ATG7: variants seen among roughly 807,000 people sequenced by gnomAD.
ATG7 encodes autophagy related 7.
A neutral mutation model predicts 82.4 loss-of-function variants in ATG7; 70 were observed. That is an observed-to-expected ratio of 0.85 (90% CI 0.70 to 1.04). The LOEUF (loss-of-function observed/expected upper bound fraction) is 1.04. ATG7 is among the 50% of genes least tolerant of loss of function. The pLI is 0.00. For synonymous variants in ATG7, 287 were observed against 313.0 expected (o/e 0.92, Z 0.88); for missense variants, 792 against 864.3 (o/e 0.92, Z 1.05).
At chr3:11,418,321 C>T (rs1352763198) in intron 19 of ATG7, among the ~76,000 whole-genome samples, 1 of 151,310 alleles carries the variant, frequency 6.6e-6, no homozygotes, top group Non-Finnish European at 1.5e-5. Flanking sequence ...AAATGTTGCC[C>T]AGGCTGGCCT....
the ATG7 span, among the ~76,000 whole-genome samples, chr3:11,575,051 A>G: frequency 6.6e-6 from 1 of 152,138 alleles, no homozygotes; most frequent in Admixed American, 6.5e-5. Flanking sequence ...CTCTTCTTCA[A>G]CGCTCGTGCC....
chr3:11,363,873 T>A (rs766050588), intron 17 of ATG7, among the ~76,000 whole-genome samples: 7 of 152,232 alleles, frequency 4.6e-5, no homozygotes, highest in Non-Finnish European at 1.0e-4. Context: ...ATTGTGGTTG[T>A]ATATGTAACT....
chr3:11,275,641 A>G (rs747378718), intron 1 of ATG7, among the ~76,000 whole-genome samples: 1 of 150,986 alleles, frequency 6.6e-6, no homozygotes, highest in Non-Finnish European at 1.5e-5. Context: ...TACAGGCGTG[A>G]GCCACCGCTT....
intron 5 of ATG7, among the ~76,000 whole-genome samples, chr3:11,301,167 C>T (rs1338898159): frequency 1.3e-5 from 2 of 151,920 alleles, no homozygotes; most frequent in Non-Finnish European, 2.9e-5. Flanking sequence ...CTAACAGTGT[C>T]AGAAGCACAG....
chr3:11,484,593 A>T (rs1271663227), intron 20 of ATG7, among the ~76,000 whole-genome samples: 1 of 152,142 alleles, frequency 6.6e-6, no homozygotes, highest in African/African-American at 2.4e-5. Context: ...GTACATGTGC[A>T]CAATGTGCAG....
chr3:11,279,110 C>A (rs1001934879), intron 1 of ATG7, among the ~76,000 whole-genome samples: 17 of 152,326 alleles, frequency 1.1e-4, no homozygotes, highest in Admixed American at 3.3e-4. Context: ...GGGGTCCTTG[C>A]ATGGGGCTAG....
At chr3:11,338,528 A>G (rs1042050954) in intron 11 of ATG7, among the ~76,000 whole-genome samples, 4 of 152,300 alleles carry the variant, frequency 2.6e-5, no homozygotes, top group African/African-American at 9.6e-5. Context: ...ATGAAACTCA[A>G]ATCTGACTGG....
chr3:11,425,000 T>C (rs1559595090), intron 19 of ATG7, among the ~76,000 whole-genome samples: 1 of 152,112 alleles, frequency 6.6e-6, no homozygotes, highest in Non-Finnish European at 1.5e-5. Flanking sequence ...GAAGACTCTG[T>C]CACCCAGGTT....
At chr3:11,530,076 G>A (rs1156402667) in intron 20 of ATG7, among the ~76,000 whole-genome samples, 1 of 152,134 alleles carries the variant, frequency 6.6e-6, no homozygotes. Context: ...GACGCCTCTC[G>A]GTCTTGGCTG....
At chr3:11,332,338 T>G (rs985738247) in intron 10 of ATG7, among the ~76,000 whole-genome samples, 2 of 152,222 alleles carry the variant, frequency 1.3e-5, no homozygotes, top group Non-Finnish European at 2.9e-5. Context: ...AAAACCAATG[T>G]ATGGACTTAG....
In ATG7 at chr3:11,433,111, G is replaced by A. The variant is rs549030646; in HGVS notation, c.2079+6185G>A. On this transcript the variant is annotated intron_variant, in intron 20 of 20. Coordinates refer to ENST00000693202, the MANE Select transcript of ATG7 (RefSeq NM_001349232.2). ...GTTTAAGGCCAGCCTGGGCTAGATG[G>A]TGAGCCTCTGTCTCTATTTAAGAAA... 9.5e-4 allele frequency among the ~76,000 whole-genome samples: 145 copies of A among 151,980 alleles called. 1 individual carries two copies. Among genetic ancestry groups the A allele is most frequent in the African/African-American group, 3.2e-3 (134 of 41,434 alleles).
In ATG7 at chr3:11,422,740, C is replaced by CTTTTTTTTTTTTTTTTTTTTTTTT. The variant is rs557755646; in HGVS notation, c.1957-4058_1957-4035dup. ...CCTCACTATGCTTAATCATTTCTAG[C>CTTTTTTTTTTTTTTTTTTTTTTTT]TTTTTTTTTTTTTTTTTTTTTTTTT... On this transcript the variant is annotated intron_variant, in intron 19 of 20. Coordinates refer to ENST00000693202, the MANE Select transcript of ATG7 (RefSeq NM_001349232.2). Among the ~76,000 whole-genome samples, 3 of 49,556 alleles carry CTTTTTTTTTTTTTTTTTTTTTTTT rather than the reference C, an allele frequency of 6.1e-5. 1 individual carries two copies. The highest frequency in any genetic ancestry group is 2.0e-4 in the African/African-American group (2 of 9,874). 32.5% of individuals were successfully genotyped at this position (49,556 alleles called of 152,430 possible).
At chr3:11,289,983 C>T (rs1197493053) in intron 3 of ATG7, among the ~76,000 whole-genome samples, 4 of 152,122 alleles carry the variant, frequency 2.6e-5, no homozygotes, top group East Asian at 1.9e-4. Flanking sequence ...CTATAAATAA[C>T]GTTTGTACAA....
chr3:11,380,008 C>T lies in ATG7; in HGVS notation c.1912C>T (p.Pro638Ser). 2 of 1,614,136 alleles carry T rather than the reference C, an allele frequency of 1.2e-6. No individual in the cohort carries two copies. The highest frequency in any genetic ancestry group is 1.7e-6 in the Non-Finnish European group (2 of 1,180,010). Reference sequence around the variant, plus strand: ...TCTTTCACGGTTTGATAATGTCCTTCCCGTCAGCCTGGCATTTGACAAATG... The same window carrying T: ...TCTTTCACGGTTTGATAATGTCCTTTCCGTCAGCCTGGCATTTGACAAATG... The part of the protein sequence containing the change: ...GFLSRFDNVL[P>S]VSLAFDKCTA... The change falls in exon 19 of 21, where the codon CCC (proline) becomes TCC (serine). Residue 638 changes from proline (P) to serine (S), a missense_variant. Physicochemically the swap from Pro to Ser is moderately conservative, Grantham distance 74. Transcript: ENST00000693202.
intron 20 of ATG7, among the ~76,000 whole-genome samples, chr3:11,500,089 G>A (rs2091208048): frequency 6.6e-6 from 1 of 152,192 alleles, no homozygotes; most frequent in African/African-American, 2.4e-5. Context: ...TCTGTACTGA[G>A]TGGAGGTTGG....
chr3:11,330,932 G>T (rs1270072680), intron 9 of ATG7, among the ~76,000 whole-genome samples: 1 of 152,124 alleles, frequency 6.6e-6, no homozygotes, highest in Non-Finnish European at 1.5e-5. Context: ...ATTGGTAGTG[G>T]CCCTTCTTTG....
At chr3:11,462,503 C>T (rs376032682) in intron 20 of ATG7, among the ~76,000 whole-genome samples, 5 of 152,064 alleles carry the variant, frequency 3.3e-5, no homozygotes, top group East Asian at 1.9e-4. Context: ...GGCAGGGCAG[C>T]GTGAACACTT....
rs577879954 is a variant in ATG7 at position 11,442,447 on chromosome 3, A to G, written c.2079+15521A>G. Among the ~76,000 whole-genome samples the G allele has an allele frequency of 2.6e-5, 4 of 152,298 alleles. No individual in the cohort carries two copies. In the East Asian group the frequency reaches 5.8e-4, roughly 22 times the overall value. On this transcript the variant is annotated intron_variant, in intron 20 of 20. Transcript: ENST00000693202. ...CCAAATGGAAAACTAGATTTTTTTC[A>G]TAAAAATGTTTCGGGATATATATCA...
chr3:11,458,351 C>T (rs957919941), intron 20 of ATG7, among the ~76,000 whole-genome samples: 3 of 152,074 alleles, frequency 2.0e-5, no homozygotes, highest in Non-Finnish European at 4.4e-5. Context: ...GCAAGCTCCG[C>T]CTCCTGGGTT....
Sources: allele counts gnomAD v4.1 joint callset (sites outside exome capture counted in the v4.1 genomes callset), GRCh38; gene constraint gnomAD v4.1.1; transcripts MANE v1.5; gene names NCBI Gene and HGNC (gene_info 2026-07-23, HGNC 2026-07-21).